Variants in FSCN1 observed in about 807,000 individuals in gnomAD.
FSCN1 encodes the protein fascin.
Under a neutral mutation model 39.7 loss-of-function variants are expected in FSCN1, and 10 were observed. The ratio of observed to expected loss-of-function variants is 0.25; its 90% CI spans 0.16 to 0.43. The LOEUF (loss-of-function observed/expected upper bound fraction) is 0.43. Among genes scored for constraint, FSCN1 ranks in the 20% least tolerant of loss-of-function variants. The pLI, the probability that FSCN1 is intolerant of heterozygous loss-of-function variation, is 1.00. For synonymous variants in FSCN1, 322 were observed against 320.0 expected (o/e 1.01, Z -0.07); for missense variants, 525 against 723.8 (o/e 0.73, Z 3.15).
rs1413385832 is a variant in FSCN1 at position 5,597,906 on chromosome 7, G to A, written c.832+4138G>A. On this transcript the variant is annotated intron_variant, in intron 1 of 4. Transcript: ENST00000382361. The stretch of plus-strand genomic sequence containing the variant: ...AATCTCCTGGCTCCCGGGGGCTTCT[G>A]TGGGCCTGTGACTCAGGATTTCTGT... Among the ~76,000 whole-genome samples the A allele has an allele frequency of 3.3e-5, 5 of 152,242 alleles. No individual in the cohort carries two copies. In the East Asian group the frequency reaches 9.7e-4, roughly 29 times the overall value.
intron 1 of FSCN1, among the ~76,000 whole-genome samples, chr7:5,595,382 T>A (rs1005538989): frequency 6.6e-6 from 1 of 152,208 alleles, no homozygotes; most frequent in Non-Finnish European, 1.5e-5. Flanking sequence ...CCCCGTTTCC[T>A]GTTTCCCACA....
At chr7:5,594,178 G>A (rs1314563960) in intron 1 of FSCN1, among the ~76,000 whole-genome samples, 1 of 152,020 alleles carries the variant, frequency 6.6e-6, no homozygotes, top group Non-Finnish European at 1.5e-5. Flanking sequence ...CCTGGAGCTC[G>A]GGGGTCCGAG....
In FSCN1 at chr7:5,605,294, G is replaced by C. The variant is rs760288085; in HGVS notation, c.1302G>C (p.Thr434=). The stretch of plus-strand genomic sequence containing the variant: ...CAGACTCCACAGGCAAATACTGGAC[G>C]GTGGGCAGTGACTCCGCGGTCACCA... ...NIKDSTGKYW[T]VGSDSAVTSS... Residue 434 remains threonine, a synonymous_variant, in exon 5 of 5, where the codon ACG becomes ACC. Transcript: ENST00000382361. The surrounding 1 kb of genome is among the most constrained non-coding windows in gnomAD (Gnocchi z 6.9). 4 of 1,613,180 alleles carry C rather than the reference G, an allele frequency of 2.5e-6. No homozygotes were observed. The African/African-American group carries it at 5.3e-5, about 22-fold the overall frequency.
chr7:5,594,054 C>CCG (rs1785684157), intron 1 of FSCN1: 3 of 414,572 alleles, frequency 7.2e-6, no homozygotes, highest in Admixed American at 8.6e-5. Flanking sequence ...AACCCCCCCC[C>CCG]CCGCCCAATC....
intron 1 of FSCN1, among the ~76,000 whole-genome samples, chr7:5,598,637 T>C (rs1357569819): frequency 6.6e-6 from 1 of 152,206 alleles, no homozygotes; most frequent in Non-Finnish European, 1.5e-5. Context: ...GTGGTTTCTG[T>C]TCCACTGTCT....
rs1446664551 is a variant in FSCN1, at chr7:5,603,198, G to A, written c.833-59G>A. The A allele has an allele frequency of 2.5e-6, 4 of 1,588,624 alleles. No individual in the cohort carries two copies. The highest frequency in any genetic ancestry group is 2.6e-6 in the Non-Finnish European group (3 of 1,164,358). ...GTAGTTCTGTGAGCTCAGGGCTATGGTCTGCCAGAACTAGGGGGCGTGGGG... is the reference window on the plus strand; with the variant it reads ...GTAGTTCTGTGAGCTCAGGGCTATGATCTGCCAGAACTAGGGGGCGTGGGG... On this transcript the variant is annotated intron_variant, in intron 1 of 4. Coordinates refer to ENST00000382361, the MANE Select transcript of FSCN1 (RefSeq NM_003088.4). This position sits in a 1 kb window ranked among gnomAD's most constrained non-coding sequence, Gnocchi z 8.5.
chr7:5,596,335 GTGCTCCCCTTTGAAAAACGC>G (rs1467947605), intron 1 of FSCN1, among the ~76,000 whole-genome samples: 2 of 152,162 alleles, frequency 1.3e-5, no homozygotes, highest in Non-Finnish European at 2.9e-5. Flanking sequence ...TGGGGGCAGG[GTGCTCCCCTTTGAAAAACGC>G]TGCGCCCTGC....
In FSCN1 at chr7:5,603,432, C is replaced by A; in HGVS notation, c.989+19C>A. 2 of 1,613,772 alleles carry A rather than the reference C, an allele frequency of 1.2e-6. No homozygotes were observed. Among genetic ancestry groups the A allele is most frequent in the Non-Finnish European group, 1.7e-6 (2 of 1,179,950 alleles). Reference sequence around the variant, plus strand: ...CCAGCAAGTGAGTGCCTCGCTCCCACCTGTCACCGCCCCCACCACCTTGCC... The same window carrying A: ...CCAGCAAGTGAGTGCCTCGCTCCCAACTGTCACCGCCCCCACCACCTTGCC... On this transcript the variant is annotated intron_variant, in intron 2 of 4. Transcript: ENST00000382361. The surrounding 1 kb of genome is among the most constrained non-coding windows in gnomAD (Gnocchi z 8.5).
intron 1 of FSCN1, among the ~76,000 whole-genome samples, chr7:5,602,484 T>C (rs1209926772): frequency 6.6e-6 from 1 of 151,970 alleles, no homozygotes; most frequent in Middle Eastern, 3.2e-3. Context: ...CATTTGTCCT[T>C]TTCTATACCA....
intron 1 of FSCN1, chr7:5,593,978 C>T (rs1785680777): frequency 1.8e-6 from 1 of 557,520 alleles, no homozygotes. Context: ...GCCCACCTCC[C>T]ACCCCGGGCT....
chr7:5,594,881 C>T (rs1276045232), intron 1 of FSCN1: 4 of 152,318 alleles, frequency 2.6e-5, no homozygotes, highest in Admixed American at 1.3e-4. Flanking sequence ...TCCGTCCCCT[C>T]CGGGGCCTCC....
chr7:5,593,344 C>T lies in FSCN1; in HGVS notation c.408C>T (p.Ile136=). The change falls in exon 1 of 5, where the codon ATC becomes ATT. Residue 136 remains isoleucine (I), a synonymous_variant. Transcript: ENST00000382361. ...VSPAEKWSVH[I]AMHPQVNIYS... is the part of the protein sequence containing the mutation. ...CCGCCGAGAAGTGGAGCGTGCACATCGCCATGCACCCTCAGGTCAACATCT... is the reference window on the plus strand; with the variant it reads ...CCGCCGAGAAGTGGAGCGTGCACATTGCCATGCACCCTCAGGTCAACATCT... 6.2e-7 allele frequency: 1 copy of T among 1,612,160 alleles called. No individual in the cohort carries two copies. Among genetic ancestry groups the T allele is most frequent in the African/African-American group, 1.3e-5 (1 of 75,042 alleles).
rs762390961 is a variant in FSCN1 at position 5,593,499 on chromosome 7, T to A, written c.563T>A (p.Val188Glu). The change falls in exon 1 of 5, where the codon GTG becomes GAG. Residue 188 changes from valine (V) to glutamate (E), a missense_variant. Coordinates refer to ENST00000382361, the MANE Select transcript of FSCN1 (RefSeq NM_003088.4). ...TLAFQDQRYSVQTADHRFLRH... is the reference protein window; with the variant it reads ...TLAFQDQRYSEQTADHRFLRH... ...GCCTTCCAGGACCAGCGCTACAGCGTGCAGACCGCCGACCACCGCTTCCTG... is the reference window on the plus strand; with the variant it reads ...GCCTTCCAGGACCAGCGCTACAGCGAGCAGACCGCCGACCACCGCTTCCTG... 6.2e-7 allele frequency: 1 copy of A among 1,608,808 alleles called. No individual in the cohort carries two copies. The highest frequency in any genetic ancestry group is 8.5e-7 in the Non-Finnish European group (1 of 1,178,938).
At chr7:5,595,613 G>T (rs1471060993) in intron 1 of FSCN1, among the ~76,000 whole-genome samples, 2 of 152,338 alleles carry the variant, frequency 1.3e-5, no homozygotes, top group South Asian at 2.1e-4. Context: ...AGGTATGGGG[G>T]GGGTGCTGTG....
intron 1 of FSCN1, chr7:5,594,080 C>G (rs1785685033): frequency 2.7e-6 from 1 of 372,634 alleles, no homozygotes; most frequent in East Asian, 4.9e-5. Context: ...TCTCCCCACG[C>G]GCGCTGATCC....
At position 5,592,913 on chromosome 7, in the gene FSCN1, A is replaced by C. The variant is rs752714436; in HGVS notation, c.-24A>C. On this transcript the variant is annotated 5_prime_UTR_variant, in exon 1 of 5. Transcript: ENST00000382361. The surrounding 1 kb of genome is among the most constrained non-coding windows in gnomAD (Gnocchi z 5.3). ...CGCCACCCACCTCCCGGGGCCGCGCAGCGGCCTCTCGTCTACTGCCACCAT... is the reference window on the plus strand; with the variant it reads ...CGCCACCCACCTCCCGGGGCCGCGCCGCGGCCTCTCGTCTACTGCCACCAT... 66 of 1,413,650 alleles carry C rather than the reference A, an allele frequency of 4.7e-5. No homozygotes were observed. Among genetic ancestry groups the C allele is most frequent in the Non-Finnish European group, 5.8e-5 (62 of 1,064,002 alleles). The allele number at this position is 1,413,650 out of a possible 1,614,324, so 87.6% of individuals were successfully genotyped here.
At chr7:5,604,098 G>A in intron 4 of FSCN1, 68 bp downstream of exon 4, 1 of 1,469,702 alleles carries the variant, frequency 6.8e-7, no homozygotes, top group Non-Finnish European at 9.3e-7. Flanking sequence ...AGTGCTGCGG[G>A]GAGCGCCCTC....
intron 1 of FSCN1, among the ~76,000 whole-genome samples, chr7:5,598,880 C>T (rs1177030729): frequency 6.6e-6 from 1 of 152,234 alleles, no homozygotes; most frequent in Non-Finnish European, 1.5e-5. Flanking sequence ...CAGGCCAGGG[C>T]CCAGGGTGCG....
At position 5,605,069 on chromosome 7, in the gene FSCN1, G is replaced by A. The variant is rs1181884313; in HGVS notation, c.1280-203G>A. Among the ~76,000 whole-genome samples the A allele has an allele frequency of 2.0e-5, 3 of 152,208 alleles. No homozygotes were observed. The highest frequency in any genetic ancestry group is 7.2e-5 in the African/African-American group (3 of 41,444). On this transcript the variant is annotated intron_variant, in intron 4 of 4. Coordinates refer to ENST00000382361, the MANE Select transcript of FSCN1 (RefSeq NM_003088.4). This position sits in a 1 kb window ranked among gnomAD's most constrained non-coding sequence, Gnocchi z 6.9. ...ATTACAGGCGTGAGCCACTGCGGCC[G>A]AGCAGAACACGTTCTAGGACCCTTG...
Sources: allele counts gnomAD v4.1 joint callset (sites outside exome capture counted in the v4.1 genomes callset), GRCh38; gene constraint gnomAD v4.1.1; non-coding constraint Gnocchi (gnomAD v3.1); transcripts MANE v1.5; gene names NCBI Gene and HGNC (gene_info 2026-07-23, HGNC 2026-07-21).